The following UBE2Q1 variants were observed in gnomAD, a reference collection of about 807,000 sequenced individuals.
UBE2Q1 encodes the protein ubiquitin conjugating enzyme E2 Q1.
Under a neutral mutation model 60.1 loss-of-function variants are expected in UBE2Q1, and 6 were observed. The observed-to-expected ratio is 0.10, with a 90% confidence interval of 0.05 to 0.20. UBE2Q1 has a LOEUF of 0.20. Ranked by LOEUF, UBE2Q1 falls within the 10% of genes least tolerant of loss-of-function variation. The probability of loss-of-function intolerance (pLI) is 1.00; values close to 1 mark genes in which losing one functional copy is unlikely to be tolerated. For synonymous variants in UBE2Q1, 226 were observed against 208.3 expected (o/e 1.09, Z -0.73); for missense variants, 262 against 525.8 (o/e 0.50, Z 4.91).
At chr1:154,550,730 T>C (rs533012497) in intron 12 of UBE2Q1, 2 of 985,374 alleles carry the variant, frequency 2.0e-6, no homozygotes, top group South Asian at 4.7e-5. Context: ...ACCAAGTTTA[T>C]CGGTGATACG....
Position 154,556,074 on chromosome 1 carries a change from C to A in UBE2Q1, c.328-110G>T, listed in dbSNP as rs1695881199. ...TTCTAGCCCCTTTGCTTCCCACCCC[C>A]ACCCCCTACACACACATAAAAGCCC... On this transcript the variant is annotated intron_variant, in intron 1 of 12. Transcript: ENST00000292211. 4.9e-6 allele frequency: 4 copies of A among 819,770 alleles called. No homozygotes were observed. The East Asian group carries it at 1.1e-4, about 22-fold the overall frequency. The allele number at this position is 819,770 out of a possible 1,614,324, so 50.8% of individuals were successfully genotyped here. A position where few individuals can be genotyped will look rare whatever the true frequency, so the allele number is the denominator to read the frequency against.
chr1:154,555,750 C>T (rs1695873796), intron 2 of UBE2Q1, 110 bp downstream of exon 2: 1 of 1,073,764 alleles, frequency 9.3e-7, no homozygotes, highest in Non-Finnish European at 1.4e-6. Context: ...AGGTCATCCC[C>T]TAAATGTTTA....
rs1004541510 is a variant in UBE2Q1, at chr1:154,550,572, T to C, written c.1238-103A>G. On this transcript the variant is annotated intron_variant, in intron 12 of 12. Coordinates refer to ENST00000292211, the MANE Select transcript of UBE2Q1 (RefSeq NM_017582.7). The stretch of plus-strand genomic sequence containing the variant: ...CTCCAGTGGCAGAGATAAGAGGATA[T>C]TGGGGAGGGCTATGCTGTGTGGGGA... 2.0e-5 allele frequency: 32 copies of C among 1,583,820 alleles called. No individual in the cohort carries two copies. The East Asian group carries it at 3.4e-4, about 17-fold the overall frequency.
At chr1:154,557,967 T>C (rs761075223) in intron 1 of UBE2Q1, among the ~76,000 whole-genome samples, 1 of 151,668 alleles carries the variant, frequency 6.6e-6, no homozygotes, top group African/African-American at 2.4e-5. Flanking sequence ...TCATGAACCT[T>C]GGGATGTGGG....
intron 1 of UBE2Q1, among the ~76,000 whole-genome samples, chr1:154,557,229 C>A (rs1695907511): frequency 6.6e-6 from 1 of 152,238 alleles, no homozygotes; most frequent in Admixed American, 6.5e-5. Context: ...TGCCTTTCCC[C>A]AGGCTACTCC....
At chr1:154,556,764 T>G (rs566043859) in intron 1 of UBE2Q1, among the ~76,000 whole-genome samples, 1 of 152,224 alleles carries the variant, frequency 6.6e-6, no homozygotes, top group African/African-American at 2.4e-5. Flanking sequence ...CCCCCTAAAT[T>G]TAACTTCCTG....
intron 12 of UBE2Q1, 110 bp downstream of exon 12, chr1:154,550,828 G>A (rs1695780175): frequency 6.3e-7 from 1 of 1,593,738 alleles, no homozygotes; most frequent in African/African-American, 1.3e-5. Flanking sequence ...CTGTGTTAAT[G>A]GGTGGTTGAG....
At chr1:154,554,806 A>T (rs775944876) in intron 3 of UBE2Q1, 21 bp from the exon 4 acceptor site, 15 of 1,612,402 alleles carry the variant, frequency 9.3e-6, no homozygotes, top group African/African-American at 1.3e-5. Context: ...GAAGGGAAAG[A>T]TGGAGATCAG....
chr1:154,551,613 T>G, intron 10 of UBE2Q1, 121 bp from the exon 11 acceptor site: 2 of 1,429,290 alleles, frequency 1.4e-6, no homozygotes, highest in East Asian at 4.6e-5. Context: ...CCCCCAGCAC[T>G]GCCACCACCT....
intron 11 of UBE2Q1, 181 bp downstream of exon 11, chr1:154,551,216 G>T: frequency 1.2e-6 from 1 of 829,920 alleles, no homozygotes; most frequent in Non-Finnish European, 1.9e-6. Context: ...AAGTCCTAGG[G>T]GTGCCCCTAG....
rs957341279 is a variant in UBE2Q1, at chr1:154,550,962, A to G, written c.1213T>C (p.Leu405=). The G allele has an allele frequency of 1.2e-6, 2 of 1,613,990 alleles. No homozygotes were observed. Among genetic ancestry groups the G allele is most frequent in the Non-Finnish European group, 1.7e-6 (2 of 1,180,026 alleles). Reference sequence around the variant, plus strand: ...CCGTTTTTTTCGTGGATCTGCACCAAGGACTTGTAGGACTGCTGTGCTCTT... The same window carrying G: ...CCGTTTTTTTCGTGGATCTGCACCAGGGACTTGTAGGACTGCTGTGCTCTT... ...LTRAQQSYKS[L]VQIHEKNGWY... is the part of the protein sequence containing the mutation. Residue 405 remains leucine, a synonymous_variant, in exon 12 of 13, where the codon TTG becomes CTG. Transcript: ENST00000292211.
chr1:154,555,967 G>A lies in UBE2Q1; in HGVS notation c.328-3C>T, dbSNP rs771521616. ...GGGGGCACAGCAGGGTATGACTCCT[G>A]AAGGGAAAAGAGCAATAAGAGCAAT... On this transcript the variant is annotated splice_polypyrimidine_tract_variant and splice_region_variant and intron_variant, in intron 1 of 12. Coordinates refer to ENST00000292211, the MANE Select transcript of UBE2Q1 (RefSeq NM_017582.7). The A allele has an allele frequency of 2.5e-6, 4 of 1,613,502 alleles. No individual in the cohort carries two copies. Among genetic ancestry groups the A allele is most frequent in the African/African-American group, 2.7e-5 (2 of 74,972 alleles).
intron 2 of UBE2Q1, 52 bp from the exon 3 acceptor site, chr1:154,555,584 A>G (rs772792052): frequency 2.7e-5 from 42 of 1,534,120 alleles, no homozygotes; most frequent in Middle Eastern, 3.4e-4. Context: ...TCCGATCTGG[A>G]TAAGTGCATG....
chr1:154,558,612 G>GCTC lies in UBE2Q1; in HGVS notation c.-62_-60dup, dbSNP rs1306581168. On this transcript the variant is annotated 5_prime_UTR_variant, in exon 1 of 13. Coordinates refer to ENST00000292211, the MANE Select transcript of UBE2Q1 (RefSeq NM_017582.7). ...CGGGAGCCTCCGGCCTGCGCTCCGG[G>GCTC]CTCCGCCGCCGCCGCCGCCGCCGCC... 1.1e-6 allele frequency: 1 copy of GCTC among 946,212 alleles called. No individual in the cohort carries two copies. Among genetic ancestry groups the GCTC allele is most frequent in the Admixed American group, 1.0e-4 (1 of 9,536 alleles). The allele number at this position is 946,212 out of a possible 1,614,324, so 58.6% of individuals were successfully genotyped here. A position where few individuals can be genotyped will look rare whatever the true frequency, so the allele number is the denominator to read the frequency against.
At chr1:154,550,680 TAGA>T in intron 12 of UBE2Q1, 2 of 985,144 alleles carry the variant, frequency 2.0e-6, no homozygotes, top group Non-Finnish European at 2.4e-6. Context: ...ATGGGAGAGT[TAGA>T]TGAGCTTTTT....
chr1:154,554,595 A>G lies in UBE2Q1; in HGVS notation c.588+140T>C, dbSNP rs917899358. On this transcript the variant is annotated intron_variant, in intron 4 of 12. Coordinates refer to ENST00000292211, the MANE Select transcript of UBE2Q1 (RefSeq NM_017582.7). ...CCCTGTCTCCTCTACTACACTGGCT[A>G]TTCCTCCAGGTCAGTAAATCTGTCT... 8 of 884,644 alleles carry G rather than the reference A, an allele frequency of 9.0e-6. No individual in the cohort carries two copies. In the East Asian group the frequency reaches 1.1e-4, roughly 12 times the overall value. The allele number at this position is 884,644 out of a possible 1,614,324, so 54.8% of individuals were successfully genotyped here.
chr1:154,550,628 C>G, intron 12 of UBE2Q1, 159 bp from the exon 13 acceptor site: 1 of 985,166 alleles, frequency 1.0e-6, no homozygotes, highest in Non-Finnish European at 1.2e-6. Flanking sequence ...AGCCTGCATA[C>G]CTGGAGATGA....
chr1:154,556,180 C>T (rs1429190570), intron 1 of UBE2Q1, among the ~76,000 whole-genome samples: 3 of 151,992 alleles, frequency 2.0e-5, no homozygotes, highest in East Asian at 3.9e-4. Context: ...AGACCCTTTC[C>T]GAGAAGCAGA....
intron 5 of UBE2Q1, 65 bp from the exon 6 acceptor site, chr1:154,552,885 A>G: frequency 6.3e-7 from 1 of 1,598,882 alleles, no homozygotes; most frequent in South Asian, 1.1e-5. Context: ...GTTAGACCTT[A>G]GGGGCAGTCT....
Sources: gnomAD v4.1 joint callset for allele counts (sites outside exome capture counted in the v4.1 genomes callset) on GRCh38, gnomAD v4.1.1 for gene constraint, MANE v1.5 for transcripts, NCBI Gene and HGNC (gene_info 2026-07-23, HGNC 2026-07-21) for gene names.